Variants in MYT1L observed in about 807,000 individuals in gnomAD.
MYT1L encodes the protein myelin transcription factor 1-like protein.
In MYT1L, 12 loss-of-function variants were observed where a neutral mutation model predicts 126.7. That is an observed-to-expected ratio of 0.09 (90% CI 0.06 to 0.15). The LOEUF (loss-of-function observed/expected upper bound fraction) is 0.15. Among genes scored for constraint, MYT1L ranks in the 10% least tolerant of loss-of-function variants. The pLI is 1.00. For missense variants in MYT1L, 979 were observed against 1,585.2 expected (o/e 0.62, Z 6.49); for synonymous variants, 541 against 604.2 (o/e 0.90, Z 1.53).
chr2:2,256,275 C>T (rs2094810813), intron 2 of MYT1L, among the ~76,000 whole-genome samples: 1 of 152,238 alleles, frequency 6.6e-6, no homozygotes, highest in Admixed American at 6.5e-5. Context: ...AAGGCCACAC[C>T]TGAAAGGTAA....
chr2:1,819,138 C>T (rs756992046), intron 21 of MYT1L, among the ~76,000 whole-genome samples: 4 of 152,190 alleles, frequency 2.6e-5, no homozygotes, highest in Non-Finnish European at 5.9e-5. Context: ...CCACCTGCCT[C>T]CTGCCCAAGG....
At chr2:1,987,968 A>G (rs2061173444) in intron 5 of MYT1L, among the ~76,000 whole-genome samples, 1 of 152,140 alleles carries the variant, frequency 6.6e-6, no homozygotes, top group Non-Finnish European at 1.5e-5. Flanking sequence ...ATGTTTAATA[A>G]TTTCTTTGCG....
intron 5 of MYT1L, among the ~76,000 whole-genome samples, chr2:1,991,317 C>G (rs899450098): frequency 1.3e-5 from 2 of 152,118 alleles, no homozygotes; most frequent in African/African-American, 4.8e-5. Flanking sequence ...TTTTTCTTTT[C>G]TTTTTGGAGA....
intron 21 of MYT1L, among the ~76,000 whole-genome samples, chr2:1,831,088 C>A (rs4344956): frequency 0.41 from 63,067 of 152,036 alleles, 13,931 homozygotes; most frequent in Admixed American, 0.49. Flanking sequence ...AATCCCCTCT[C>A]CTGAAGGTGT....
At chr2:2,220,134 A>G (rs1360684214) in intron 2 of MYT1L, among the ~76,000 whole-genome samples, 1 of 152,060 alleles carries the variant, frequency 6.6e-6, no homozygotes, top group Non-Finnish European at 1.5e-5. Flanking sequence ...ATTTGAAGAG[A>G]TTTATTCTGA....
intron 4 of MYT1L, among the ~76,000 whole-genome samples, chr2:2,042,855 C>T (rs937240420): frequency 1.3e-5 from 2 of 152,206 alleles, no homozygotes; most frequent in Non-Finnish European, 2.9e-5. Context: ...AGGCGATAGC[C>T]TCCCAGGCCC....
chr2:2,282,167 G>GATT (rs2095456673), intron 2 of MYT1L, among the ~76,000 whole-genome samples: 1 of 152,140 alleles, frequency 6.6e-6, no homozygotes, highest in Non-Finnish European at 1.5e-5. Flanking sequence ...GCAACTAAAA[G>GATT]GTGGACTTCT....
At chr2:2,061,987 C>A (rs1296434153) in intron 3 of MYT1L, among the ~76,000 whole-genome samples, 6 of 152,150 alleles carry the variant, frequency 3.9e-5, no homozygotes. Context: ...GCCTTCAGAC[C>A]CTACACGAAT....
At chr2:2,295,218 A>G (rs367594714) in intron 1 of MYT1L, among the ~76,000 whole-genome samples, 6 of 152,320 alleles carry the variant, frequency 3.9e-5, no homozygotes, top group African/African-American at 1.4e-4. Flanking sequence ...CCCGAGTGTG[A>G]TCTGATGGGA....
chr2:2,057,059 A>G (rs994024869), intron 3 of MYT1L, among the ~76,000 whole-genome samples: 2 of 152,272 alleles, frequency 1.3e-5, no homozygotes, highest in African/African-American at 2.4e-5. Flanking sequence ...CATAGCACAT[A>G]CAGGCAGAAC....
chr2:2,082,226 C>G (rs140057891), intron 3 of MYT1L, among the ~76,000 whole-genome samples: 3 of 152,254 alleles, frequency 2.0e-5, no homozygotes, highest in Non-Finnish European at 4.4e-5. Context: ...ACACCTGGGG[C>G]AGTTTTACAA....
chr2:2,269,806 C>A (rs376426450), intron 2 of MYT1L, among the ~76,000 whole-genome samples: 8 of 152,214 alleles, frequency 5.3e-5, no homozygotes, highest in Admixed American at 5.2e-4. Flanking sequence ...AAGGCAGAAT[C>A]ACAGTGGGTC....
intron 8 of MYT1L, among the ~76,000 whole-genome samples, chr2:1,946,786 T>C (rs1357322191): frequency 6.6e-6 from 1 of 152,166 alleles, no homozygotes; most frequent in Non-Finnish European, 1.5e-5. Flanking sequence ...TCTGAGATAA[T>C]AATCTCAGAG....
chr2:2,055,374 A>C (rs1397189422), intron 3 of MYT1L, among the ~76,000 whole-genome samples: 1 of 152,246 alleles, frequency 6.6e-6, no homozygotes, highest in Non-Finnish European at 1.5e-5. Context: ...ATTAAAAAGC[A>C]AAACAAAATG....
rs1175155585 is a variant in MYT1L at position 1,795,161 on chromosome 2, CCGTTCCTTA to C, written c.3277-2706_3277-2698del. Among the ~76,000 whole-genome samples, 16 of 152,324 alleles carry C rather than the reference CCGTTCCTTA, an allele frequency of 1.1e-4. No individual in the cohort carries two copies. In the East Asian group the frequency reaches 3.1e-3, roughly 29 times the overall value. On this transcript the variant is annotated intron_variant, in intron 23 of 24. Transcript: ENST00000647738. ...CTGAGTGTCTCAGGGTCACTGCTGC[CCGTTCCTTA>C]CTATCCTAGCCAGACAAACTGTGGG...
intron 15 of MYT1L, among the ~76,000 whole-genome samples, chr2:1,891,814 A>C (rs1186453216): frequency 3.9e-5 from 6 of 152,170 alleles, no homozygotes; most frequent in Non-Finnish European, 8.8e-5. Context: ...ACAAGATCTG[A>C]CCCTTGCCTC....
intron 5 of MYT1L, among the ~76,000 whole-genome samples, chr2:1,983,649 T>C (rs967580453): frequency 2.0e-5 from 3 of 152,330 alleles, no homozygotes; most frequent in African/African-American, 7.2e-5. Context: ...TGCTTGGGCT[T>C]GCTTCCACCC....
At chr2:1,947,981 T>G (rs2057391578) in intron 8 of MYT1L, among the ~76,000 whole-genome samples, 1 of 152,252 alleles carries the variant, frequency 6.6e-6, no homozygotes, top group Non-Finnish European at 1.5e-5. Context: ...TTAACACCTC[T>G]TTGAGCACCC....
intron 9 of MYT1L, among the ~76,000 whole-genome samples, chr2:1,925,678 C>T (rs955644186): frequency 3.9e-5 from 6 of 152,112 alleles, no homozygotes; most frequent in Admixed American, 1.3e-4. Flanking sequence ...ACCGGCAGAA[C>T]GCGGACCACC....
Sources: gnomAD v4.1 joint callset for allele counts (sites outside exome capture counted in the v4.1 genomes callset) on GRCh38, gnomAD v4.1.1 for gene constraint, MANE v1.5 for transcripts, NCBI Gene and HGNC (gene_info 2026-07-23, HGNC 2026-07-21) for gene names.